Variants in KIAA0753 observed in about 807,000 individuals in gnomAD.
KIAA0753 encodes KIAA0753.
KIAA0753 carries 114 observed loss-of-function variants against 116.9 expected under a neutral mutation model. The ratio of observed to expected loss-of-function variants is 0.98; its 90% CI spans 0.84 to 1.14. The LOEUF (loss-of-function observed/expected upper bound fraction) is 1.14. KIAA0753 is among the 50% of genes most tolerant of loss of function. The probability of loss-of-function intolerance (pLI) is 0.00; values close to 1 mark genes in which losing one functional copy is unlikely to be tolerated. For synonymous variants in KIAA0753, 405 were observed against 413.1 expected (o/e 0.98, Z 0.24); for missense variants, 1,156 against 1,172.4 (o/e 0.99, Z 0.20).
intron 18 of KIAA0753, among the ~76,000 whole-genome samples, chr17:6,581,303 A>G (rs535907681): frequency 3.9e-5 from 6 of 151,952 alleles, no homozygotes; most frequent in Admixed American, 1.3e-4. Flanking sequence ...ATATCCCTCA[A>G]TTTGGGTTTT....
intron 16 of KIAA0753, among the ~76,000 whole-genome samples, chr17:6,591,246 T>C (rs888703850): frequency 9.9e-5 from 15 of 152,244 alleles, no homozygotes; most frequent in African/African-American, 3.4e-4. Context: ...GAGTGTCAGA[T>C]TATTTATAAT....
At chr17:6,618,711 T>C (rs904566068) in intron 7 of KIAA0753, among the ~76,000 whole-genome samples, 1 of 152,184 alleles carries the variant, frequency 6.6e-6, no homozygotes, top group Non-Finnish European at 1.5e-5. Flanking sequence ...TTCCACAGAA[T>C]AGTGGCAGAT....
At chr17:6,620,709 C>G in intron 7 of KIAA0753, 79 bp downstream of exon 7, 1 of 1,394,990 alleles carries the variant, frequency 7.2e-7, no homozygotes, top group South Asian at 1.2e-5. Flanking sequence ...CCTGACTTTC[C>G]CCTCAGTGCA....
intron 10 of KIAA0753, among the ~76,000 whole-genome samples, chr17:6,607,942 C>T (rs895258393): frequency 3.3e-5 from 5 of 152,182 alleles, no homozygotes; most frequent in African/African-American, 1.2e-4. Flanking sequence ...TCTAAACTCT[C>T]TCAGTTCCTA....
intron 6 of KIAA0753, among the ~76,000 whole-genome samples, chr17:6,621,740 G>A (rs1269631214): frequency 6.6e-6 from 1 of 152,224 alleles, no homozygotes; most frequent in Non-Finnish European, 1.5e-5. Flanking sequence ...CAAAATGTAG[G>A]AGAGGGACTA....
At chr17:6,629,797 G>C (rs1271992084) in intron 2 of KIAA0753, among the ~76,000 whole-genome samples, 2 of 152,092 alleles carry the variant, frequency 1.3e-5, no homozygotes, top group Non-Finnish European at 1.5e-5. Context: ...CAAAACTTCA[G>C]GGAAGTATTT....
chr17:6,603,599 C>T (rs188819129), intron 12 of KIAA0753, among the ~76,000 whole-genome samples: 11 of 152,192 alleles, frequency 7.2e-5, no homozygotes, highest in African/African-American at 2.6e-4. Flanking sequence ...TAAGAGGACT[C>T]GGAGAGAAGT....
chr17:6,596,687 C>A (rs978402753), intron 14 of KIAA0753, among the ~76,000 whole-genome samples: 1 of 152,186 alleles, frequency 6.6e-6, no homozygotes, highest in African/African-American at 2.4e-5. Context: ...ATATTTTACA[C>A]GTCACACATT....
chr17:6,602,879 G>A (rs1969966027), intron 12 of KIAA0753, among the ~76,000 whole-genome samples: 1 of 152,024 alleles, frequency 6.6e-6, no homozygotes, highest in Non-Finnish European at 1.5e-5. Context: ...AACATGAGAA[G>A]ATAGCCAAGA....
intron 4 of KIAA0753, 64 bp downstream of exon 4, chr17:6,624,691 A>C: frequency 9.3e-7 from 1 of 1,075,128 alleles, no homozygotes; most frequent in East Asian, 2.6e-5. Context: ...AAAGGAAAAC[A>C]GAAACTCTCT....
At chr17:6,609,554 T>C (rs1970399950) in intron 9 of KIAA0753, among the ~76,000 whole-genome samples, 1 of 152,242 alleles carries the variant, frequency 6.6e-6, no homozygotes, top group African/African-American at 2.4e-5. Flanking sequence ...TTCATAATTA[T>C]CTTGACTTAG....
In KIAA0753 at chr17:6,622,957, A is replaced by G; in HGVS notation, c.1029T>C (p.Leu343=). ...CKELGSLIRQ[L]SLCSVKLDAD... ...CATCCAGCTTGACAGAACAAAGTGA[A>G]AGCTGGCGAATAAGGCTGCCCAGTT... is the stretch of plus-strand genomic sequence containing the variant. Residue 343 remains leucine (L), a synonymous_variant, in exon 6 of 19, where the codon CTT becomes CTC. Coordinates refer to ENST00000361413, the MANE Select transcript of KIAA0753 (RefSeq NM_014804.3). 1 of 1,614,194 alleles carries G rather than the reference A, an allele frequency of 6.2e-7. No individual in the cohort carries two copies. The highest frequency in any genetic ancestry group is 8.5e-7 in the Non-Finnish European group (1 of 1,180,014).
intron 7 of KIAA0753, among the ~76,000 whole-genome samples, chr17:6,618,183 C>A (rs968321314): frequency 2.6e-5 from 4 of 152,102 alleles, no homozygotes; most frequent in African/African-American, 7.2e-5. Flanking sequence ...GTGGGGGTTC[C>A]TGGAAGGTGG....
intron 6 of KIAA0753, 116 bp from the exon 7 acceptor site, chr17:6,621,114 C>T (rs899032344): frequency 4.8e-5 from 39 of 813,664 alleles, no homozygotes; most frequent in Non-Finnish European, 6.6e-5. Context: ...CTATCTCTAA[C>T]AGTTAACACA....
intron 7 of KIAA0753, among the ~76,000 whole-genome samples, chr17:6,614,037 A>T (rs1051165650): frequency 2.6e-5 from 4 of 152,244 alleles, no homozygotes; most frequent in Admixed American, 2.6e-4. Context: ...AGAAATAGAC[A>T]AAGAACAGAA....
intron 18 of KIAA0753, 61 bp downstream of exon 18, chr17:6,589,718 T>G: frequency 7.6e-7 from 1 of 1,311,338 alleles, no homozygotes; most frequent in South Asian, 1.3e-5. Flanking sequence ...TCTCCAGCTT[T>G]TTCTAAGTCT....
At chr17:6,603,129 C>T (rs1305140691) in intron 12 of KIAA0753, among the ~76,000 whole-genome samples, 1 of 151,684 alleles carries the variant, frequency 6.6e-6, no homozygotes, top group African/African-American at 2.4e-5. Context: ...AAATCTCCTA[C>T]TGGGGGAGGG....
chr17:6,636,761 A>C (rs1972351904), intron 1 of KIAA0753: 1 of 150,120 alleles, frequency 6.7e-6, no homozygotes, highest in African/African-American at 2.5e-5. Context: ...ACACAGCCCC[A>C]ACTTCTTCCC....
At chr17:6,598,190 C>A (rs954318452) in intron 14 of KIAA0753, among the ~76,000 whole-genome samples, 1 of 151,994 alleles carries the variant, frequency 6.6e-6, no homozygotes, top group African/African-American at 2.4e-5. Context: ...ATGGAGTGGC[C>A]TCTCTGGGTT....
Sources: gnomAD v4.1 joint callset for allele counts (sites outside exome capture counted in the v4.1 genomes callset) on GRCh38, gnomAD v4.1.1 for gene constraint, MANE v1.5 for transcripts, NCBI Gene and HGNC (gene_info 2026-07-23, HGNC 2026-07-21) for gene names.